Variants in CACNA1H observed in about 807,000 individuals in gnomAD.
CACNA1H encodes the protein calcium voltage-gated channel subunit alpha1 H.
Under a neutral mutation model 192.5 loss-of-function variants are expected in CACNA1H, and 149 were observed. The observed-to-expected ratio is 0.77, with a 90% CI of 0.68 to 0.89. The LOEUF (loss-of-function observed/expected upper bound fraction) is 0.89, where lower values mean the gene tolerates loss of function less well. CACNA1H is among the 40% of genes least tolerant of loss of function. The pLI is 0.00. For synonymous variants in CACNA1H, 2,202 were observed against 1,475.2 expected, an observed-to-expected ratio of 1.49 and a Z score of -11.29; for missense variants, 4,257 against 3,423.5, an observed-to-expected ratio of 1.24 and a Z score of -6.08.
At chr16:1,185,508 C>T (rs935686475) in intron 2 of CACNA1H, among the ~76,000 whole-genome samples, 2 of 146,194 alleles carry the variant, frequency 1.4e-5, no homozygotes, top group South Asian at 2.3e-4. Context: ...GAGTCCCCCC[C>T]CCCGCCGAGT....
intron 2 of CACNA1H, among the ~76,000 whole-genome samples, chr16:1,175,148 C>T (rs1964750664): frequency 6.6e-6 from 1 of 151,914 alleles, no homozygotes; most frequent in South Asian, 2.1e-4. Context: ...CACGTAATGC[C>T]CTACTGTGCG....
Position 1,198,743 on chromosome 16 carries a change from A to G in CACNA1H, c.772A>G (p.Asn258Asp). 1 of 1,612,662 alleles carries G rather than the reference A, an allele frequency of 6.2e-7. No individual in the cohort carries two copies. Among genetic ancestry groups the G allele is most frequent in the Non-Finnish European group, 8.5e-7 (1 of 1,179,498 alleles). Residue 258 changes from asparagine to aspartate, a missense_variant, in exon 6 of 35, where the codon AAC (asparagine) becomes GAC (aspartate). Asn to Asp is a conservative substitution (Grantham distance 23). Transcript: ENST00000348261. ...GVQLWAGLLR[N>D]RCFLDSAFVR... is the part of the protein sequence containing the mutation. ...CCAGCTCTGGGCTGGCCTCCTGCGG[A>G]ACCGCTGCTTCCTGGACAGTGCCTT...
intron 27 of CACNA1H, among the ~76,000 whole-genome samples, chr16:1,214,554 T>C (rs572306199): frequency 1.3e-5 from 2 of 152,152 alleles, no homozygotes; most frequent in South Asian, 2.1e-4. Flanking sequence ...CTGCATACCG[T>C]CGGTGCTCAG....
intron 16 of CACNA1H, among the ~76,000 whole-genome samples, chr16:1,208,432 A>C (rs905853551): frequency 6.6e-6 from 1 of 152,162 alleles, no homozygotes. Context: ...CAGACGCGGA[A>C]GCTCTGTGCG....
In CACNA1H at chr16:1,195,010, A is replaced by T. The variant is rs774432051; in HGVS notation, c.338A>T (p.Asn113Ile). 1 of 1,612,324 alleles carries T rather than the reference A, an allele frequency of 6.2e-7. No homozygotes were observed. Among genetic ancestry groups the T allele is most frequent in the Admixed American group, 1.7e-5 (1 of 59,988 alleles). Residue 113 changes from asparagine to isoleucine, a missense_variant, in exon 3 of 35, where the codon AAC becomes ATC. Physicochemically the swap from Asn to Ile is moderately radical, Grantham distance 149 (BLOSUM62 -3). Coordinates refer to ENST00000348261, the MANE Select transcript of CACNA1H (RefSeq NM_021098.3). ...GTGAGCATGCTGGTAATCATGCTCA[A>T]CTGCGTGACCCTGGGCATGTTCCGG... The part of the protein sequence containing the change: ...EHVSMLVIML[N>I]CVTLGMFRPC...
rs1402751846 is a variant in CACNA1H, at chr16:1,221,266, G to A, written c.*272G>A. On this transcript the variant is annotated 3_prime_UTR_variant, in exon 35 of 35. Coordinates refer to ENST00000348261, the MANE Select transcript of CACNA1H (RefSeq NM_021098.3). ...GGCAACTGGGTCAGCCTCCCGTCAG[G>A]AGAGAAGCCGCGTCTGTGGGACGAA... The A allele has an allele frequency of 4.3e-6, 2 of 460,872 alleles. No homozygotes were observed. Among genetic ancestry groups the A allele is most frequent in the African/African-American group, 2.0e-5 (1 of 50,752 alleles). The allele number at this position is 460,872 out of a possible 1,614,324, so 28.5% of individuals were successfully genotyped here.
Position 1,209,079 on chromosome 16 carries a change from C to G in CACNA1H, c.3411C>G (p.Ala1137=), listed in dbSNP as rs1307971452. The G allele has an allele frequency of 6.5e-7, 1 of 1,544,710 alleles. No individual in the cohort carries two copies. Among genetic ancestry groups the G allele is most frequent in the Non-Finnish European group, 8.7e-7 (1 of 1,149,512 alleles). The change falls in exon 17 of 35, where the codon GCC becomes GCG. Residue 1137 remains alanine, a synonymous_variant. Coordinates refer to ENST00000348261, the MANE Select transcript of CACNA1H (RefSeq NM_021098.3). ...SPCAPWGPSG[A]WSSRRSSWSS... The stretch of plus-strand genomic sequence containing the variant: ...GTGCCCCCTGGGGCCCCAGTGGCGC[C>G]TGGAGCAGCCGGCGCTCCAGCTGGA...
chr16:1,164,946 C>T (rs908109570), intron 2 of CACNA1H, among the ~76,000 whole-genome samples: 2 of 152,108 alleles, frequency 1.3e-5, no homozygotes, highest in African/African-American at 4.8e-5. Context: ...TGTGTTTTCT[C>T]CTTGGGTGCA....
At position 1,219,009 on chromosome 16, in the gene CACNA1H, G is replaced by T. The variant is rs550577430; in HGVS notation, c.5927G>T (p.Cys1976Phe). The T allele has an allele frequency of 3.2e-6, 5 of 1,550,182 alleles. No homozygotes were observed. Among genetic ancestry groups the T allele is most frequent in the Non-Finnish European group, 4.4e-6 (5 of 1,146,896 alleles). Residue 1976 changes from cysteine (C) to phenylalanine (F), a missense_variant, in exon 34 of 35, where the codon TGT becomes TTT. Coordinates refer to ENST00000348261, the MANE Select transcript of CACNA1H (RefSeq NM_021098.3). Reference sequence around the variant, plus strand: ...GTGCACTCTCCGCCCGCAGAGTCCTGTGCCTCCCTCCAGATCCCATTGGCT... The same window carrying T: ...GTGCACTCTCCGCCCGCAGAGTCCTTTGCCTCCCTCCAGATCCCATTGGCT... ...ASVHSPPAES[C>F]ASLQIPLAVS... is the part of the protein sequence containing the mutation.
intron 9 of CACNA1H, among the ~76,000 whole-genome samples, chr16:1,203,720 G>A (rs549142231): frequency 5.8e-4 from 89 of 152,176 alleles, no homozygotes; most frequent in Non-Finnish European, 9.6e-4. Context: ...TTGTCGACAC[G>A]TCCCTGCGGT....
At position 1,210,093 on chromosome 16, in the gene CACNA1H, G is replaced by A. The variant is rs781340322; in HGVS notation, c.3803G>A (p.Ser1268Asn). The change falls in exon 18 of 35, where the codon AGC (serine) becomes AAC (asparagine). Residue 1268 changes from serine to asparagine, a missense_variant. Ser to Asn is a conservative substitution (Grantham distance 46). Coordinates refer to ENST00000348261, the MANE Select transcript of CACNA1H (RefSeq NM_021098.3). ...CCCTACAAGCCCCAGTGGTGCCGGAGCCGCGAGGCCTGGGCCCTCTACCTC... is the reference window on the plus strand; with the variant it reads ...CCCTACAAGCCCCAGTGGTGCCGGAACCGCGAGGCCTGGGCCCTCTACCTC... ...LEPYKPQWCR[S>N]REAWALYLFS... 9.6e-6 allele frequency: 15 copies of A among 1,560,046 alleles called. 1 individual carries two copies. The South Asian group carries it at 1.7e-4, about 17-fold the overall frequency.
intron 6 of CACNA1H, chr16:1,199,037 A>G (rs1220516340): frequency 7.0e-6 from 2 of 286,456 alleles, no homozygotes; most frequent in South Asian, 3.0e-5. Flanking sequence ...ACCCCCCACC[A>G]TGGCTCCGCC....
chr16:1,217,180 G>A (rs1002740980), intron 31 of CACNA1H, among the ~76,000 whole-genome samples, 170 bp downstream of exon 31: 5 of 152,226 alleles, frequency 3.3e-5, no homozygotes, highest in African/African-American at 1.2e-4. Context: ...TTTTCTGCAC[G>A]AGGCCGAGTC....
chr16:1,195,938 C>T lies in CACNA1H; in HGVS notation c.558C>T (p.Tyr186=), dbSNP rs1596384088. 1.9e-6 allele frequency: 3 copies of T among 1,613,036 alleles called. No homozygotes were observed. Among genetic ancestry groups the T allele is most frequent in the Non-Finnish European group, 2.5e-6 (3 of 1,179,758 alleles). ...GCCCCGCCCCCAGCATGATGGAGTACTCGTTGGACGGACACAACGTGAGCC... is the reference window on the plus strand; with the variant it reads ...GCCCCGCCCCCAGCATGATGGAGTATTCGTTGGACGGACACAACGTGAGCC... The part of the protein sequence containing the change: ...FFIVVAGMME[Y]SLDGHNVSLS... Residue 186 remains tyrosine, a synonymous_variant, in exon 5 of 35, where the codon TAC becomes TAT. Coordinates refer to ENST00000348261, the MANE Select transcript of CACNA1H (RefSeq NM_021098.3).
intron 2 of CACNA1H, chr16:1,157,810 AGGGTGGG>A (rs978367120): frequency 6.6e-6 from 1 of 152,310 alleles, no homozygotes; most frequent in African/African-American, 2.4e-5. Flanking sequence ...GTCACTCAGC[AGGGTGGG>A]GCTTGGCAGA....
chr16:1,213,479 C>T (rs996995438), intron 26 of CACNA1H, among the ~76,000 whole-genome samples: 62 of 152,196 alleles, frequency 4.1e-4, no homozygotes, highest in African/African-American at 1.5e-3. Flanking sequence ...AACCGCGTTG[C>T]TGAGGAGGAG....
Position 1,207,968 on chromosome 16 carries a change from G to C in CACNA1H, c.3155-45G>C, listed in dbSNP as rs368968153. On this transcript the variant is annotated intron_variant, in intron 15 of 34. Coordinates refer to ENST00000348261, the MANE Select transcript of CACNA1H (RefSeq NM_021098.3). ...CTAGGTTGGGGGATTCCTGGTCCTGGGAGCCTGGCAGCTCTAGGGGCCCAT... is the reference window on the plus strand; with the variant it reads ...CTAGGTTGGGGGATTCCTGGTCCTGCGAGCCTGGCAGCTCTAGGGGCCCAT... The C allele has an allele frequency of 5.1e-6, 8 of 1,558,852 alleles. No homozygotes were observed. The African/African-American group carries it at 1.1e-4, about 21-fold the overall frequency.
chr16:1,156,742 C>T (rs1338155025), intron 2 of CACNA1H, among the ~76,000 whole-genome samples: 2 of 152,052 alleles, frequency 1.3e-5, no homozygotes, highest in Admixed American at 1.3e-4. Context: ...AGAGCCCCAG[C>T]TGCTGTCCGC....
intron 2 of CACNA1H, among the ~76,000 whole-genome samples, chr16:1,176,000 G>A (rs1964847648): frequency 6.6e-6 from 1 of 152,208 alleles, no homozygotes; most frequent in African/African-American, 2.4e-5. Context: ...ACATCCTGGT[G>A]GCTGCTGGGT....
Sources: gnomAD v4.1 joint callset for allele counts (sites outside exome capture counted in the v4.1 genomes callset) on GRCh38, gnomAD v4.1.1 for gene constraint, MANE v1.5 for transcripts, NCBI Gene and HGNC (gene_info 2026-07-23, HGNC 2026-07-21) for gene names.